Variants in LAMA1 observed in about 807,000 individuals in gnomAD.
LAMA1 encodes laminin subunit alpha-1.
Under a neutral mutation model 348.7 loss-of-function variants are expected in LAMA1, and 219 were observed. That is an observed-to-expected ratio of 0.63 (90% CI 0.56 to 0.70). LAMA1 has a LOEUF of 0.70. LAMA1 is among the 30% of genes least tolerant of loss of function. The probability of loss-of-function intolerance (pLI) is 0.00; values close to 1 mark genes in which losing one functional copy is unlikely to be tolerated. For missense variants in LAMA1, 3,744 were observed against 3,888.0 expected, an observed-to-expected ratio of 0.96 and a Z score of 0.99; for synonymous variants, 1,487 against 1,491.0, an observed-to-expected ratio of 1.00 and a Z score of 0.06.
At chr18:7,050,584 G>T in intron 4 of LAMA1, 110 bp downstream of exon 4, 1 of 1,479,238 alleles carries the variant, frequency 6.8e-7, no homozygotes, top group Non-Finnish European at 9.4e-7. Flanking sequence ...TTTAAATAGA[G>T]CTAGATAGTT....
Position 6,965,342 on chromosome 18 carries a change from G to A in LAMA1, c.7141C>T (p.Arg2381Cys), listed in dbSNP as rs142063208. The A allele has an allele frequency of 2.7e-3, 4,353 of 1,614,158 alleles. 16 individuals are homozygous for A. Among genetic ancestry groups the A allele is most frequent in the South Asian group, 8.1e-3 (739 of 91,086 alleles). ...SGPITLLTDR[R>C]YNNGTWYKIA... ...TTGTACCAGGTTCCATTGTTATAAC[G>A]TCTGTCTGTCAAAAGGGTAATGGGT... The change falls in exon 50 of 63, where the codon CGT (arginine) becomes TGT (cysteine). Residue 2381 changes from arginine (R) to cysteine (C), a missense_variant. By Grantham distance (180) the Arg-to-Cys change is radical. This residue lies in a region of LAMA1 where 1,983 missense variants were observed against 1,934.3 expected (regional missense o/e 1.03). Coordinates refer to ENST00000389658, the MANE Select transcript of LAMA1 (RefSeq NM_005559.4).
chr18:7,058,101 C>T (rs1160726532), intron 3 of LAMA1, among the ~76,000 whole-genome samples: 1 of 152,064 alleles, frequency 6.6e-6, no homozygotes, highest in Non-Finnish European at 1.5e-5. Flanking sequence ...CGCGCCTGGC[C>T]CAGCCCATAA....
At chr18:6,998,438 C>T (rs1310574667) in intron 32 of LAMA1, among the ~76,000 whole-genome samples, 3 of 152,142 alleles carry the variant, frequency 2.0e-5, no homozygotes, top group African/African-American at 7.2e-5. Flanking sequence ...TGCTGCCTGG[C>T]TCATCTTTAA....
At chr18:6,967,555 G>A (rs777505499) in intron 48 of LAMA1, among the ~76,000 whole-genome samples, 2 of 152,094 alleles carry the variant, frequency 1.3e-5, no homozygotes, top group African/African-American at 2.4e-5. Flanking sequence ...TCTCTGGGAG[G>A]GCTGCCCCAG....
At chr18:7,072,673 T>C (rs1212734470) in intron 3 of LAMA1, among the ~76,000 whole-genome samples, 1 of 152,154 alleles carries the variant, frequency 6.6e-6, no homozygotes, top group African/African-American at 2.4e-5. Context: ...CTGACCACCA[T>C]AATAACAAAA....
Position 7,002,351 on chromosome 18 carries a change from T to C in LAMA1, c.4295A>G (p.Asp1432Gly). The change falls in exon 30 of 63, where the codon GAT becomes GGT. Residue 1432 changes from aspartate (D) to glycine (G), a missense_variant. Physicochemically the swap from Asp to Gly is moderately conservative, Grantham distance 94 (BLOSUM62 -1). Transcript: ENST00000389658. ...CCCGTAGTAGCCAGAAGTACACACA[T>C]CACAATGGTCACCTGCTGTGTTATC... is the stretch of plus-strand genomic sequence containing the variant. ...CGDNTAGDHCDVCTSGYYGKV... is the reference protein window; with the variant it reads ...CGDNTAGDHCGVCTSGYYGKV... The C allele has an allele frequency of 1.2e-6, 2 of 1,613,756 alleles. No homozygotes were observed. Among genetic ancestry groups the C allele is most frequent in the Non-Finnish European group, 1.7e-6 (2 of 1,180,026 alleles).
At chr18:6,985,687 C>A (rs1317934112) in intron 37 of LAMA1, 44 bp from the exon 38 acceptor site, 1 of 1,293,714 alleles carries the variant, frequency 7.7e-7, no homozygotes, top group African/African-American at 1.5e-5. Context: ...TAAAAGCAAC[C>A]CTGCTTCTGA....
intron 1 of LAMA1, among the ~76,000 whole-genome samples, chr18:7,102,549 T>G (rs891958597): frequency 2.0e-5 from 3 of 152,198 alleles, no homozygotes; most frequent in Non-Finnish European, 4.4e-5. Context: ...AGAAATGTAG[T>G]GTTTAATTAC....
chr18:6,978,187 C>T lies in LAMA1; in HGVS notation c.6190+9G>A. On this transcript the variant is annotated intron_variant, in intron 43 of 62. Coordinates refer to ENST00000389658, the MANE Select transcript of LAMA1 (RefSeq NM_005559.4). ...ACGATCATGACTGGAAGGAAGGGCG[C>T]TGACATACTGGCCATGGTGGAGTCC... The T allele has an allele frequency of 6.2e-7, 1 of 1,614,250 alleles. No homozygotes were observed. The highest frequency in any genetic ancestry group is 1.1e-5 in the South Asian group (1 of 91,092).
chr18:6,988,137 A>G (rs2057743490), intron 36 of LAMA1, among the ~76,000 whole-genome samples: 1 of 152,090 alleles, frequency 6.6e-6, no homozygotes, highest in Non-Finnish European at 1.5e-5. Flanking sequence ...AGAAAGCTCA[A>G]AACAGAGGCC....
chr18:7,021,178 C>G (rs1430058737), intron 19 of LAMA1, among the ~76,000 whole-genome samples: 1 of 152,094 alleles, frequency 6.6e-6, no homozygotes, highest in Non-Finnish European at 1.5e-5. Flanking sequence ...ATGAACAGCA[C>G]CCCCTTCAGG....
chr18:6,999,124 T>G (rs2144090083), intron 32 of LAMA1, among the ~76,000 whole-genome samples: 1 of 152,124 alleles, frequency 6.6e-6, no homozygotes, highest in South Asian at 2.1e-4. Context: ...CACAAAGCTG[T>G]TTCCTCTCCT....
intron 1 of LAMA1, among the ~76,000 whole-genome samples, chr18:7,106,649 C>T (rs972255035): frequency 1.3e-5 from 2 of 152,026 alleles, no homozygotes; most frequent in Non-Finnish European, 1.5e-5. Context: ...CGTGAGCCAC[C>T]GCGCCCGGCC....
intron 42 of LAMA1, among the ~76,000 whole-genome samples, chr18:6,980,117 G>A (rs2057704140): frequency 6.6e-6 from 1 of 152,182 alleles, no homozygotes; most frequent in African/African-American, 2.4e-5. Flanking sequence ...AGATGGCCAA[G>A]CGAGCAGTCT....
intron 13 of LAMA1, 124 bp from the exon 14 acceptor site, chr18:7,034,814 T>A: frequency 3.9e-6 from 3 of 770,576 alleles, no homozygotes; most frequent in Non-Finnish European, 4.3e-6. Flanking sequence ...GTGGCAAACG[T>A]GTAATGGTGT....
intron 3 of LAMA1, among the ~76,000 whole-genome samples, chr18:7,074,124 C>T (rs997459639): frequency 1.3e-5 from 2 of 152,172 alleles, no homozygotes; most frequent in African/African-American, 4.8e-5. Flanking sequence ...TGAGCCACCA[C>T]GCCCGGCCAG....
At chr18:7,008,147 A>T (rs1262007358) in intron 28 of LAMA1, among the ~76,000 whole-genome samples, 1 of 152,024 alleles carries the variant, frequency 6.6e-6, no homozygotes, top group Non-Finnish European at 1.5e-5. Context: ...GACCAAAAGG[A>T]GAATGGTGGT....
Position 6,950,896 on chromosome 18 carries a change from T to C in LAMA1, c.8283A>G (p.Ala2761=), listed in dbSNP as rs1404868377. 9 of 1,614,172 alleles carry C rather than the reference T, an allele frequency of 5.6e-6. No individual in the cohort carries two copies. Among genetic ancestry groups the C allele is most frequent in the African/African-American group, 1.3e-5 (1 of 75,054 alleles). The change falls in exon 58 of 63, where the codon GCA becomes GCG. Residue 2761 remains alanine (A), a synonymous_variant. Transcript: ENST00000389658. ...CGTGCAGCTGGAGCACAGCGTAGTC[T>C]GCTTGGTTCTGATGAGCCATGTAGT... ...LIYYMAHQNQ[A]DYAVLQLHGG... is the part of the protein sequence containing the mutation.
At chr18:7,081,775 C>T (rs577806017) in intron 1 of LAMA1, among the ~76,000 whole-genome samples, 1 of 152,336 alleles carries the variant, frequency 6.6e-6, no homozygotes, top group Non-Finnish European at 1.5e-5. Flanking sequence ...TGAGAGCATA[C>T]TGCGAGGGTC....
Sources: allele counts gnomAD v4.1 joint callset (sites outside exome capture counted in the v4.1 genomes callset), GRCh38; gene constraint gnomAD v4.1.1; regional missense constraint gnomAD v4.1.1; transcripts MANE v1.5; gene names NCBI Gene and HGNC (gene_info 2026-07-23, HGNC 2026-07-21).